The following PIK3CB variants were observed in gnomAD, a reference collection of about 807,000 sequenced individuals.
PIK3CB encodes phosphatidylinositol-4,5-bisphosphate 3-kinase catalytic subunit beta.
In PIK3CB, 39 loss-of-function variants were observed where a neutral mutation model predicts 136.8. The ratio of observed to expected loss-of-function variants is 0.29; its 90% CI spans 0.22 to 0.37. The LOEUF is 0.37. PIK3CB is among the 10% of genes least tolerant of loss of function. The pLI is 1.00. For missense variants in PIK3CB, 868 were observed against 1,275.4 expected (o/e 0.68, Z 4.87); for synonymous variants, 428 against 436.6 (o/e 0.98, Z 0.25).
intron 10 of PIK3CB, 161 bp from the exon 11 acceptor site, chr3:138,707,450 G>A: frequency 2.2e-6 from 3 of 1,356,928 alleles, no homozygotes; most frequent in Non-Finnish European, 2.8e-6. Context: ...TTCTGTTAAT[G>A]CTTGGAACAA....
intron 2 of PIK3CB, among the ~76,000 whole-genome samples, chr3:138,791,286 G>A (rs2046044959): frequency 6.6e-6 from 1 of 151,976 alleles, no homozygotes; most frequent in South Asian, 2.1e-4. Flanking sequence ...GGGACTACAG[G>A]CATGCGCCAC....
intron 12 of PIK3CB, among the ~76,000 whole-genome samples, chr3:138,700,603 G>T (rs1490127788): frequency 6.6e-6 from 1 of 151,544 alleles, no homozygotes; most frequent in African/African-American, 2.4e-5. Flanking sequence ...AGAGATGAAT[G>T]GGGGAGAAGA....
rs60503033 is a variant in PIK3CB at position 138,744,392 on chromosome 3, CAAAAAA to C, written c.398-1617_398-1612del. ...ACTGGGTGACAGAGCGAGACTCCCC[CAAAAAA>C]AAAAAAAAAAAAAAAAAAAAAAAAG... On this transcript the variant is annotated intron_variant, in intron 4 of 23. Coordinates refer to ENST00000674063, the MANE Select transcript of PIK3CB (RefSeq NM_006219.3). Among the ~76,000 whole-genome samples the C allele has an allele frequency of 1.6e-3, 71 of 45,100 alleles. 7 individuals carry two copies. In the East Asian group the frequency reaches 0.016, roughly 10 times the overall value. 29.6% of individuals were successfully genotyped at this position (45,100 alleles called of 152,430 possible). A position where few individuals can be genotyped will look rare whatever the true frequency, so the allele number is the denominator to read the frequency against.
chr3:138,676,350 C>G (rs368971013), intron 19 of PIK3CB, among the ~76,000 whole-genome samples: 1 of 152,146 alleles, frequency 6.6e-6, no homozygotes, highest in South Asian at 2.1e-4. Flanking sequence ...GAAATTGGAA[C>G]CTTTGTACAT....
intron 18 of PIK3CB, among the ~76,000 whole-genome samples, chr3:138,683,427 G>A (rs749922241): frequency 6.6e-6 from 1 of 151,188 alleles, no homozygotes; most frequent in Non-Finnish European, 1.5e-5. Context: ...GGCGCGTTTT[G>A]TATTTTGTAG....
At chr3:138,813,364 A>G (rs1322045694) in intron 1 of PIK3CB, among the ~76,000 whole-genome samples, 1 of 152,128 alleles carries the variant, frequency 6.6e-6, no homozygotes, top group Non-Finnish European at 1.5e-5. Context: ...AGCTTGTCCA[A>G]GCTAAATGTT....
chr3:138,789,326 G>A (rs1010697466), intron 2 of PIK3CB, among the ~76,000 whole-genome samples: 1 of 152,122 alleles, frequency 6.6e-6, no homozygotes, highest in Non-Finnish European at 1.5e-5. Context: ...AGGTGTGGTG[G>A]TGGGCACCTG....
At chr3:138,692,824 T>C (rs2108510460) in intron 14 of PIK3CB, among the ~76,000 whole-genome samples, 1 of 152,298 alleles carries the variant, frequency 6.6e-6, no homozygotes, top group South Asian at 2.1e-4. Context: ...ATGGATAAAC[T>C]TCATTGTCTG....
chr3:138,749,999 T>C (rs2045437096), intron 4 of PIK3CB, among the ~76,000 whole-genome samples: 1 of 152,230 alleles, frequency 6.6e-6, no homozygotes, highest in African/African-American at 2.4e-5. Flanking sequence ...CACCTCAGCC[T>C]CTCAAGTAGC....
chr3:138,729,311 G>C (rs1559846060), intron 8 of PIK3CB, among the ~76,000 whole-genome samples: 2 of 151,922 alleles, frequency 1.3e-5, no homozygotes, highest in African/African-American at 4.8e-5. Context: ...CTACTATAAT[G>C]GTTAATTTTA....
chr3:138,754,929 G>A (rs933957928), intron 4 of PIK3CB, among the ~76,000 whole-genome samples: 1 of 152,102 alleles, frequency 6.6e-6, no homozygotes, highest in Non-Finnish European at 1.5e-5. Flanking sequence ...CCTAATTCAA[G>A]TCAGTACCCT....
At position 138,759,262 on chromosome 3, in the gene PIK3CB, C is replaced by T. The variant is rs1347448883; in HGVS notation, c.82G>A (p.Gly28Ser). The stretch of plus-strand genomic sequence containing the variant: ...AAAAGGAAATCCACAGGTATGGAGC[C>T]ATCAGATGCTATCTGTGAATCCACC... ...WAVDSQIASD[G>S]SIPVDFLLPT... Residue 28 changes from glycine to serine, a missense_variant, in exon 3 of 24, where the codon GGC (glycine) becomes AGC (serine). Transcript: ENST00000674063. 6.2e-7 allele frequency: 1 copy of T among 1,613,164 alleles called. No individual in the cohort carries two copies. Among genetic ancestry groups the T allele is most frequent in the Admixed American group, 1.7e-5 (1 of 60,004 alleles).
At chr3:138,677,358 T>C (rs192944354) in intron 19 of PIK3CB, among the ~76,000 whole-genome samples, 3 of 152,132 alleles carry the variant, frequency 2.0e-5, no homozygotes, top group Non-Finnish European at 2.9e-5. Context: ...GTGCCCAGCC[T>C]TACTCAAGAT....
chr3:138,681,174 G>C (rs1437691860), intron 19 of PIK3CB, among the ~76,000 whole-genome samples: 1 of 150,634 alleles, frequency 6.6e-6, no homozygotes, highest in East Asian at 2.0e-4. Flanking sequence ...AGCCACCAGA[G>C]TAGCTGGGAG....
chr3:138,776,526 A>AAAAAAATAC (rs1478851474), intron 2 of PIK3CB, among the ~76,000 whole-genome samples: 2 of 151,982 alleles, frequency 1.3e-5, no homozygotes, highest in South Asian at 2.1e-4. Flanking sequence ...CTGCCTCTAC[A>AAAAAAATAC]AAAAAATACA....
intron 1 of PIK3CB, among the ~76,000 whole-genome samples, chr3:138,800,212 A>G (rs1275615717): frequency 6.6e-6 from 1 of 152,164 alleles, no homozygotes; most frequent in Non-Finnish European, 1.5e-5. Flanking sequence ...CTAGGTCATT[A>G]TCTACCACAT....
intron 13 of PIK3CB, among the ~76,000 whole-genome samples, chr3:138,698,435 C>T (rs1013830975): frequency 2.6e-5 from 4 of 152,052 alleles, no homozygotes; most frequent in South Asian, 2.1e-4. Flanking sequence ...TCTGTCAAAA[C>T]GCATACATTC....
At chr3:138,793,923 G>A (rs1474742215) in intron 2 of PIK3CB, among the ~76,000 whole-genome samples, 2 of 152,166 alleles carry the variant, frequency 1.3e-5, no homozygotes, top group Non-Finnish European at 2.9e-5. Flanking sequence ...GTGGTAAGGA[G>A]TTTAGACTCA....
intron 2 of PIK3CB, among the ~76,000 whole-genome samples, chr3:138,772,669 G>T (rs1227801990): frequency 6.8e-6 from 1 of 146,626 alleles, no homozygotes; most frequent in African/African-American, 2.5e-5. Flanking sequence ...ACAAGGTTTC[G>T]CTACATATTC....
Sources: gnomAD v4.1 joint callset for allele counts (sites outside exome capture counted in the v4.1 genomes callset) on GRCh38, gnomAD v4.1.1 for gene constraint, MANE v1.5 for transcripts, NCBI Gene and HGNC (gene_info 2026-07-23, HGNC 2026-07-21) for gene names.